Variants in ARHGAP32 observed in about 807,000 individuals in gnomAD.
ARHGAP32 encodes rho GTPase-activating protein 32.
In ARHGAP32, 51 loss-of-function variants were observed where a neutral mutation model predicts 186.5. That is an observed-to-expected ratio of 0.27 (90% confidence interval 0.22 to 0.35). The LOEUF (loss-of-function observed/expected upper bound fraction) is 0.35. ARHGAP32 is among the 10% of genes least tolerant of loss of function. The probability of loss-of-function intolerance (pLI) is 1.00; values close to 1 mark genes in which losing one functional copy is unlikely to be tolerated. For missense variants in ARHGAP32, 2,186 were observed against 2,623.5 expected (o/e 0.83, Z 3.64); for synonymous variants, 950 against 964.3 (o/e 0.99, Z 0.27).
intron 1 of ARHGAP32, among the ~76,000 whole-genome samples, chr11:129,260,632 C>T (rs908398823): frequency 6.6e-6 from 1 of 152,116 alleles, no homozygotes; most frequent in African/African-American, 2.4e-5. Flanking sequence ...TTTAATAACT[C>T]TTTAAACATA....
chr11:129,200,118 AG>A (rs1267582970), intron 1 of ARHGAP32, among the ~76,000 whole-genome samples: 2 of 152,142 alleles, frequency 1.3e-5, no homozygotes, highest in Non-Finnish European at 2.9e-5. Flanking sequence ...CATTGTATCT[AG>A]GAGGTAACTA....
At chr11:129,195,365 G>A (rs576912006), upstream of ARHGAP32, among the ~76,000 whole-genome samples, 25 of 152,052 alleles carry the variant, frequency 1.6e-4, no homozygotes, top group Non-Finnish European at 2.4e-4. Flanking sequence ...CCCTCACTTC[G>A]AGCCTTTCAA....
chr11:129,098,476 T>A (rs1941796700), intron 5 of ARHGAP32, among the ~76,000 whole-genome samples: 1 of 151,824 alleles, frequency 6.6e-6, no homozygotes, highest in Non-Finnish European at 1.5e-5. Context: ...TGGAGTGCAG[T>A]GGCGCGATCT....
chr11:129,262,678 C>T (rs1945338726), intron 1 of ARHGAP32, among the ~76,000 whole-genome samples: 1 of 151,962 alleles, frequency 6.6e-6, no homozygotes, highest in Admixed American at 6.5e-5. Flanking sequence ...ATTACAGACA[C>T]GGGCCACCAG....
chr11:129,246,401 C>A (rs59108689), intron 1 of ARHGAP32, among the ~76,000 whole-genome samples: 1,613 of 152,246 alleles, frequency 0.011, 28 homozygotes, highest in African/African-American at 0.037. Flanking sequence ...AGTCCATAGA[C>A]TTTGGGTCAT....
intron 12 of ARHGAP32, among the ~76,000 whole-genome samples, chr11:128,991,984 A>G (rs1946068434): frequency 2.0e-5 from 3 of 152,160 alleles, no homozygotes; most frequent in African/African-American, 7.2e-5. Flanking sequence ...TCCAGGCATC[A>G]TGAAAGCATT....
intron 6 of ARHGAP32, among the ~76,000 whole-genome samples, chr11:129,089,735 G>T (rs749412871): frequency 9.9e-5 from 15 of 152,116 alleles, no homozygotes; most frequent in Non-Finnish European, 2.2e-4. Context: ...TACCATTCTG[G>T]CAGTTTATAA....
At chr11:129,248,891 G>T (rs1480638101) in intron 1 of ARHGAP32, among the ~76,000 whole-genome samples, 1 of 152,102 alleles carries the variant, frequency 6.6e-6, no homozygotes, top group African/African-American at 2.4e-5. Context: ...CAGGTACTGT[G>T]CAAAACATAG....
intron 12 of ARHGAP32, among the ~76,000 whole-genome samples, chr11:128,991,897 G>A (rs182262073): frequency 5.9e-5 from 9 of 151,996 alleles, no homozygotes; most frequent in Admixed American, 5.2e-4. Context: ...TTTTGGTTTC[G>A]TTTCTGCTCT....
intron 1 of ARHGAP32, among the ~76,000 whole-genome samples, chr11:129,225,877 T>C (rs1368591154): frequency 6.6e-6 from 1 of 152,140 alleles, no homozygotes; most frequent in Non-Finnish European, 1.5e-5. Context: ...AAAGAAAGTA[T>C]GAGAATGATG....
chr11:129,038,888 G>GAAAAAAAAA (rs56810685), intron 11 of ARHGAP32, among the ~76,000 whole-genome samples: 2 of 92,184 alleles, frequency 2.2e-5, no homozygotes, highest in African/African-American at 8.6e-5. Flanking sequence ...ACCCTGTCTC[G>GAAAAAAAAA]AAAAAAAAAA....
chr11:128,988,157 T>C (rs761655727), intron 12 of ARHGAP32, 32 bp from the exon 13 acceptor site: 7 of 1,540,298 alleles, frequency 4.5e-6, no homozygotes, highest in Admixed American at 3.4e-5. Flanking sequence ...ACAGATGAAA[T>C]TGTAGTATTC....
intron 1 of ARHGAP32, among the ~76,000 whole-genome samples, chr11:129,172,041 C>T (rs956217524): frequency 1.2e-4 from 18 of 152,092 alleles, no homozygotes; most frequent in African/African-American, 4.3e-4. Context: ...ACTGCTGAAG[C>T]TGCTTATCAG....
At chr11:129,263,724 G>A (rs1945356446) in intron 1 of ARHGAP32, among the ~76,000 whole-genome samples, 1 of 151,748 alleles carries the variant, frequency 6.6e-6, no homozygotes, top group Admixed American at 6.6e-5. Context: ...GGAAAGGAAA[G>A]GAGAAAGAAA....
intron 1 of ARHGAP32, among the ~76,000 whole-genome samples, chr11:129,266,471 T>C (rs765950524): frequency 1.3e-5 from 2 of 152,164 alleles, no homozygotes; most frequent in Non-Finnish European, 2.9e-5. Context: ...TAGAAGCTCT[T>C]GCCACTCTAC....
At chr11:129,132,342 T>C (rs1391509219) in intron 2 of ARHGAP32, among the ~76,000 whole-genome samples, 2 of 152,114 alleles carry the variant, frequency 1.3e-5, no homozygotes, top group South Asian at 4.1e-4. Context: ...TAGCCAGGCA[T>C]GGTGGCATGT....
rs1201687425 is a variant in ARHGAP32 at position 128,970,824 on chromosome 11, G to A, written c.4389C>T (p.Thr1463=). 3.7e-6 allele frequency: 6 copies of A among 1,614,072 alleles called. No homozygotes were observed. In the East Asian group the frequency reaches 6.7e-5, roughly 18 times the overall value. ...NYHSFVTASS[T]SVDDALPLPL... ...GTAAAGGCAATGCATCGTCCACAGAGGTGGATGAAGCAGTGACAAAGGAAT... is the reference window on the plus strand; with the variant it reads ...GTAAAGGCAATGCATCGTCCACAGAAGTGGATGAAGCAGTGACAAAGGAAT... Residue 1463 remains threonine, a synonymous_variant, in exon 23 of 23, where the codon ACC becomes ACT. Coordinates refer to ENST00000682385, the MANE Select transcript of ARHGAP32 (RefSeq NM_001378024.1). This position sits in a 1 kb window ranked among gnomAD's most constrained non-coding sequence, Gnocchi z 5.8.
chr11:129,066,835 C>G lies in ARHGAP32; in HGVS notation c.565G>C (p.Asp189His), dbSNP rs190061847. The G allele has an allele frequency of 6.8e-6, 11 of 1,609,994 alleles. No homozygotes were observed. The part of the protein sequence containing the change: ...KSWIVKRSYE[D>H]FRVLDKHLHL... ...AGATGTTTATCAAGTACCCGAAAATCTTCATAACTTCTTTTAACAATCCAA... is the reference window on the plus strand; with the variant it reads ...AGATGTTTATCAAGTACCCGAAAATGTTCATAACTTCTTTTAACAATCCAA... The change falls in exon 7 of 23, where the codon GAT (aspartate) becomes CAT (histidine). Residue 189 changes from aspartate to histidine, a missense_variant. This residue lies in a region of ARHGAP32 where 308 missense variants were observed against 596.5 expected (regional missense o/e 0.52). Coordinates refer to ENST00000682385, the MANE Select transcript of ARHGAP32 (RefSeq NM_001378024.1).
intron 11 of ARHGAP32, among the ~76,000 whole-genome samples, chr11:128,999,645 T>C (rs1946300591): frequency 6.6e-6 from 1 of 152,154 alleles, no homozygotes; most frequent in South Asian, 2.1e-4. Flanking sequence ...GCTTTAAAAT[T>C]TGTCTCTTTT....
Sources: allele counts gnomAD v4.1 joint callset (sites outside exome capture counted in the v4.1 genomes callset), GRCh38; gene constraint gnomAD v4.1.1; regional missense constraint gnomAD v4.1.1; non-coding constraint Gnocchi (gnomAD v3.1); transcripts MANE v1.5; gene names NCBI Gene and HGNC (gene_info 2026-07-23, HGNC 2026-07-21).